The following SMAD1 variants were observed in gnomAD, a reference collection of about 807,000 sequenced individuals.
SMAD1 encodes SMAD family member 1.
SMAD1 carries 6 observed loss-of-function variants against 41.6 expected under a neutral mutation model. The observed-to-expected ratio is 0.14, with a 90% CI of 0.08 to 0.28. SMAD1 has a LOEUF of 0.28. Ranked by LOEUF, SMAD1 falls within the 10% of genes least tolerant of loss-of-function variation. The probability of loss-of-function intolerance (pLI) is 1.00; values close to 1 mark genes in which losing one functional copy is unlikely to be tolerated. For synonymous variants in SMAD1, 206 were observed against 203.2 expected (o/e 1.01, Z -0.12); for missense variants, 379 against 582.6 (o/e 0.65, Z 3.60).
chr4:145,539,191 A>C (rs1326937286), intron 2 of SMAD1, among the ~76,000 whole-genome samples: 1 of 152,094 alleles, frequency 6.6e-6, no homozygotes. Flanking sequence ...ATAAAGTGTG[A>C]CTCCTAGGAC....
At chr4:145,555,954 T>C (rs1732812908) in intron 6 of SMAD1, among the ~76,000 whole-genome samples, 1 of 152,216 alleles carries the variant, frequency 6.6e-6, no homozygotes, top group East Asian at 1.9e-4. Flanking sequence ...TCCTGCTGAA[T>C]GTTAAAGAAA....
rs1353708574 is a variant in SMAD1 at position 145,558,560 on chromosome 4, A to G, written c.*626A>G. On this transcript the variant is annotated 3_prime_UTR_variant, in exon 7 of 7. Transcript: ENST00000302085. The stretch of plus-strand genomic sequence containing the variant: ...GTATGTACAGAGTATTTGGAAGTTA[A>G]GAATTGATTAGACTAGTGAATTTAG... Among the ~76,000 whole-genome samples, 1 of 152,152 alleles carries G rather than the reference A, an allele frequency of 6.6e-6. No homozygotes were observed. The highest frequency in any genetic ancestry group is 1.5e-5 in the Non-Finnish European group (1 of 68,024).
chr4:145,488,843 T>C (rs1472957829), intron 1 of SMAD1, among the ~76,000 whole-genome samples: 3 of 152,134 alleles, frequency 2.0e-5, no homozygotes, highest in African/African-American at 7.2e-5. Context: ...ACATGAAAAA[T>C]TAAATGCAGC....
chr4:145,536,415 C>G lies in SMAD1; in HGVS notation c.401-3389C>G, dbSNP rs1455571733. 7.9e-5 allele frequency among the ~76,000 whole-genome samples: 12 copies of G among 152,086 alleles called. 1 individual carries two copies. Among genetic ancestry groups the G allele is most frequent in the Admixed American group, 7.9e-4 (12 of 15,250 alleles). On this transcript the variant is annotated intron_variant, in intron 2 of 6. Coordinates refer to ENST00000302085, the MANE Select transcript of SMAD1 (RefSeq NM_005900.3). The stretch of plus-strand genomic sequence containing the variant: ...CTTGTTCCAGAAATTAAGAAATACT[C>G]AAATAATTGGAACATGTTACAAAGG...
intron 5 of SMAD1, among the ~76,000 whole-genome samples, chr4:145,547,664 C>T (rs1732322746): frequency 6.6e-6 from 1 of 152,040 alleles, no homozygotes; most frequent in African/African-American, 2.4e-5. Flanking sequence ...AAGCAAATGA[C>T]TAAATGTGTG....
chr4:145,522,310 C>CA (rs1301534528), intron 2 of SMAD1, among the ~76,000 whole-genome samples: 3 of 149,528 alleles, frequency 2.0e-5, no homozygotes, highest in African/African-American at 2.5e-5. Flanking sequence ...AAAAAACAAA[C>CA]AAAAAAATGG....
intron 1 of SMAD1, chr4:145,484,733 T>G (rs1433353598): frequency 6.6e-6 from 1 of 152,234 alleles, no homozygotes; most frequent in African/African-American, 2.4e-5. Context: ...TAAGGACCTT[T>G]GCAGCTCTGA....
intron 6 of SMAD1, among the ~76,000 whole-genome samples, chr4:145,556,898 G>A (rs1025920998): frequency 3.9e-5 from 6 of 152,016 alleles, no homozygotes; most frequent in Non-Finnish European, 7.4e-5. Context: ...GGCTGGTTTC[G>A]AACTCCCGAC....
At chr4:145,523,596 T>C (rs1467825684) in intron 2 of SMAD1, among the ~76,000 whole-genome samples, 1 of 152,028 alleles carries the variant, frequency 6.6e-6, no homozygotes, top group African/African-American at 2.4e-5. Flanking sequence ...AAAATAACTA[T>C]CGTTATTATA....
intron 4 of SMAD1, chr4:145,545,096 A>G (rs1560760559): frequency 6.6e-6 from 1 of 151,504 alleles, no homozygotes; most frequent in Admixed American, 6.6e-5. Flanking sequence ...ATTTTCCTAG[A>G]GCAGGGGTGA....
Position 145,482,588 on chromosome 4 carries a change from G to A in SMAD1, c.-177+550G>A, listed in dbSNP as rs1368966511. ...GGTGGAGCGGGTCTCGCGGGCGGGG[G>A]ACCCCGGCGCCCCGGGCCCCTCCAC... On this transcript the variant is annotated intron_variant, in intron 1 of 6. Transcript: ENST00000302085. The surrounding 1 kb of genome is among the most constrained non-coding windows in gnomAD (Gnocchi z 4.2). 1 of 148,960 alleles carries A rather than the reference G, an allele frequency of 6.7e-6. No homozygotes were observed. Among genetic ancestry groups the A allele is most frequent in the Non-Finnish European group, 1.5e-5 (1 of 66,802 alleles). 9.2% of individuals were successfully genotyped at this position (148,960 alleles called of 1,614,324 possible).
At chr4:145,540,929 A>T (rs1357332679) in intron 3 of SMAD1, among the ~76,000 whole-genome samples, 5 of 152,312 alleles carry the variant, frequency 3.3e-5, no homozygotes, top group Non-Finnish European at 4.4e-5. Context: ...AAAAATTGAA[A>T]AGTGGTCCAC....
At chr4:145,527,863 ATT>A (rs199585690) in intron 2 of SMAD1, among the ~76,000 whole-genome samples, 8 of 139,030 alleles carry the variant, frequency 5.8e-5, no homozygotes, top group South Asian at 2.3e-4. Flanking sequence ...TTGATCAGTA[ATT>A]TTTTTTTTTT....
chr4:145,484,627 T>C (rs1283642277), intron 1 of SMAD1: 1 of 152,204 alleles, frequency 6.6e-6, no homozygotes, highest in Non-Finnish European at 1.5e-5. Context: ...TGAATTTCTG[T>C]AGAAAAATTT....
intron 1 of SMAD1, among the ~76,000 whole-genome samples, chr4:145,484,220 G>A (rs945485895): frequency 6.6e-6 from 1 of 152,190 alleles, no homozygotes; most frequent in Non-Finnish European, 1.5e-5. Context: ...AAGTGTGTGT[G>A]TATAAAAGAT....
chr4:145,546,836 C>A lies in SMAD1; in HGVS notation c.909C>A (p.Ser303=). ...SVLVDGFTDP[S]NNKNRFCLGL... The stretch of plus-strand genomic sequence containing the variant: ...TGGTGGATGGTTTCACTGATCCTTC[C>A]AACAATAAGAACCGTTTCTGCCTTG... The change falls in exon 5 of 7, where the codon TCC becomes TCA. Residue 303 remains serine (S), a synonymous_variant. Transcript: ENST00000302085. 6.2e-7 allele frequency: 1 copy of A among 1,614,134 alleles called. No individual in the cohort carries two copies. Among genetic ancestry groups the A allele is most frequent in the Non-Finnish European group, 8.5e-7 (1 of 1,180,004 alleles).
intron 2 of SMAD1, among the ~76,000 whole-genome samples, chr4:145,518,527 C>T (rs1172926261): frequency 1.6e-5 from 2 of 124,084 alleles, no homozygotes; most frequent in African/African-American, 5.1e-5. Context: ...TGACTTAGCC[C>T]CTCACACTGC....
chr4:145,546,998 A>G, intron 5 of SMAD1, 74 bp downstream of exon 5: 2 of 1,166,142 alleles, frequency 1.7e-6, no homozygotes, highest in Non-Finnish European at 1.3e-6. Context: ...ACTTAAAATC[A>G]TTCCTGTAAC....
intron 6 of SMAD1, among the ~76,000 whole-genome samples, chr4:145,554,690 T>C (rs1732742336): frequency 6.6e-6 from 1 of 152,188 alleles, no homozygotes. Flanking sequence ...TGCTGTCTCA[T>C]GTTCTGCCTC....
Sources: gnomAD v4.1 joint callset for allele counts (sites outside exome capture counted in the v4.1 genomes callset) on GRCh38, gnomAD v4.1.1 for gene constraint, Gnocchi (gnomAD v3.1) non-coding constraint, MANE v1.5 for transcripts, NCBI Gene and HGNC (gene_info 2026-07-23, HGNC 2026-07-21) for gene names.